C2: variants seen among roughly 807,000 people sequenced by gnomAD.
C2 encodes C3/C5 convertase.
A neutral mutation model predicts 85.2 loss-of-function variants in C2; 64 were observed. The ratio of observed to expected loss-of-function variants is 0.75; its 90% CI spans 0.61 to 0.92. C2 has a LOEUF of 0.92. Ranked by LOEUF, C2 falls within the 40% of genes least tolerant of loss-of-function variation. The pLI is 0.00. For synonymous variants in C2, 311 were observed against 370.8 expected (o/e 0.84, Z 1.85); for missense variants, 820 against 971.6 (o/e 0.84, Z 2.07).
intron 9 of C2, chr6:31,941,157 A>G (rs1770849725): frequency 6.6e-6 from 1 of 152,184 alleles, no homozygotes; most frequent in Non-Finnish European, 1.5e-5. Context: ...AGTTCTTTCT[A>G]TTCATTCAGT....
At chr6:31,907,140 TA>T (rs3037250) in intron 1 of C2, among the ~76,000 whole-genome samples, 296 of 139,316 alleles carry the variant, frequency 2.1e-3, no homozygotes, top group East Asian at 4.0e-3. Flanking sequence ...AACTCTGTCT[TA>T]AAAAAAAAAA....
At chr6:31,903,756 G>A (rs1767539478) in intron 1 of C2, among the ~76,000 whole-genome samples, 1 of 152,156 alleles carries the variant, frequency 6.6e-6, no homozygotes, top group Non-Finnish European at 1.5e-5. Context: ...CTCAAGGGAT[G>A]CTGTTTGGCA....
At chr6:31,899,983 G>A, upstream of C2, 1 of 1,605,762 alleles carries the variant, frequency 6.2e-7, no homozygotes, top group Non-Finnish European at 8.5e-7. Flanking sequence ...TCTCGGCCGT[G>A]GTCTTGCCGT....
chr6:31,901,329 G>A (rs755008659), intron 1 of C2: 2 of 1,591,102 alleles, frequency 1.3e-6, no homozygotes, highest in South Asian at 1.1e-5. Flanking sequence ...GGCAACCCTG[G>A]TTGGGAAGGA....
At chr6:31,900,468 ACAG>A (rs1767130564), upstream of C2, 1 of 1,597,460 alleles carries the variant, frequency 6.3e-7, no homozygotes, top group African/African-American at 1.3e-5. The surrounding 1 kb of genome is among the most constrained non-coding windows in gnomAD (Gnocchi z 9.7). Flanking sequence ...CCGGGAATCA[ACAG>A]CAGGCCCTCC....
chr6:31,935,873 C>A lies in C2; in HGVS notation c.850-50C>A. On this transcript the variant is annotated intron_variant, in intron 6 of 17. Coordinates refer to ENST00000299367, the MANE Select transcript of C2 (RefSeq NM_000063.6). This position sits in a 1 kb window ranked among gnomAD's most constrained non-coding sequence, Gnocchi z 4.3. ...CCCTTTGTTTGCTCTCTTACCATCT[C>A]CCCTTTGGCTTCAGGGCCCTTTACG... The A allele has an allele frequency of 6.2e-7, 1 of 1,606,840 alleles. No individual in the cohort carries two copies.
chr6:31,899,950 G>C (rs1261949759), upstream of C2: 3 of 1,591,062 alleles, frequency 1.9e-6, no homozygotes, highest in South Asian at 2.2e-5. Flanking sequence ...CGTTAATCTC[G>C]GCCACACTGG....
intron 1 of C2, among the ~76,000 whole-genome samples, chr6:31,914,459 T>C (rs1469911412): frequency 4.0e-5 from 6 of 150,510 alleles, no homozygotes; most frequent in Admixed American, 4.0e-4. Context: ...GGCGTAGTGG[T>C]GTATGCCTGT....
chr6:31,932,117 G>C, intron 3 of C2, among the ~76,000 whole-genome samples: 1 of 131,880 alleles, frequency 7.6e-6, no homozygotes, highest in South Asian at 2.5e-4. Flanking sequence ...CGGGCGAGGG[G>C]CTGACCCCCC....
chr6:31,923,822 T>TG (rs575034917), upstream of C2, among the ~76,000 whole-genome samples: 1 of 137,850 alleles, frequency 7.3e-6, no homozygotes, highest in Non-Finnish European at 1.5e-5. Context: ...TTTTTTGAGA[T>TG]GGAGTCTCGC....
chr6:31,917,830 C>T (rs71563389), upstream of C2, among the ~76,000 whole-genome samples: 11,275 of 151,696 alleles, frequency 0.074, 630 homozygotes, highest in African/African-American at 0.15. Flanking sequence ...TGCTTGAACC[C>T]GGGAGGCGGA....
chr6:31,901,500 G>T (rs1228587216), intron 1 of C2, among the ~76,000 whole-genome samples: 8 of 152,020 alleles, frequency 5.3e-5, no homozygotes, highest in African/African-American at 1.9e-4. Flanking sequence ...GAGGAGGGAG[G>T]CGTGGTTCTC....
chr6:31,929,136 C>T (rs896407254), intron 3 of C2, among the ~76,000 whole-genome samples: 4 of 152,204 alleles, frequency 2.6e-5, no homozygotes, highest in African/African-American at 9.6e-5. Flanking sequence ...TCAGATGTAG[C>T]ATAAAGCCTC....
At chr6:31,914,774 G>A (rs1460291549) in intron 1 of C2, among the ~76,000 whole-genome samples, 1 of 151,716 alleles carries the variant, frequency 6.6e-6, no homozygotes, top group Non-Finnish European at 1.5e-5. Context: ...TTAGCCAGGC[G>A]TGGTGGCAGG....
Position 31,945,500 on chromosome 6 carries a change from C to A in C2, c.*143C>A. ...GGTCTCTAGGATGCCAGAGGCAGCGCACACAAGCTGGGAAATCCTCAGGGC... is the reference window on the plus strand; with the variant it reads ...GGTCTCTAGGATGCCAGAGGCAGCGAACACAAGCTGGGAAATCCTCAGGGC... On this transcript the variant is annotated 3_prime_UTR_variant, in exon 18 of 18. Transcript: ENST00000299367. This position sits in a 1 kb window ranked among gnomAD's most constrained non-coding sequence, Gnocchi z 5.3. 1.2e-6 allele frequency: 1 copy of A among 814,288 alleles called. No homozygotes were observed. The allele number at this position is 814,288 out of a possible 1,614,324, so 50.4% of individuals were successfully genotyped here.
In C2 at chr6:31,913,928, G is replaced by A. The variant is rs575910547; in HGVS notation, c.73+12789G>A. On this transcript the variant is annotated intron_variant, in intron 1 of 3. Transcript: ENST00000452202. ...GCTGGGATTACAGGCATGAGCCACC[G>A]TGCCTGGCCCTTTTTTTTTTAAGAC... Among the ~76,000 whole-genome samples the A allele has an allele frequency of 1.7e-4, 24 of 138,314 alleles. No homozygotes were observed. In the South Asian group the frequency reaches 3.6e-3, roughly 21 times the overall value. 90.7% of individuals were successfully genotyped at this position (138,314 alleles called of 152,430 possible).
chr6:31,911,133 T>C (rs970614281), intron 1 of C2, among the ~76,000 whole-genome samples: 3 of 151,990 alleles, frequency 2.0e-5, no homozygotes, highest in African/African-American at 4.8e-5. Flanking sequence ...ACCCCGTCTC[T>C]ACTAAAAATA....
chr6:31,903,322 G>T (rs1176930569), intron 1 of C2, among the ~76,000 whole-genome samples: 1 of 152,196 alleles, frequency 6.6e-6, no homozygotes, highest in Non-Finnish European at 1.5e-5. Context: ...TGTGGGTTTT[G>T]TTTTGCAAAT....
In C2 at chr6:31,934,229, A is replaced by G. The variant is rs1364032132; in HGVS notation, c.779A>G (p.Asp260Gly). Residue 260 changes from aspartate (D) to glycine (G), a missense_variant, in exon 6 of 18, where the codon GAC becomes GGC. Asp to Gly is a moderately conservative substitution (Grantham distance 94). Coordinates refer to ENST00000299367, the MANE Select transcript of C2 (RefSeq NM_000063.6). ...SGHLNLYLLL[D>G]CSQSVSENDF... ...CATCTGAACCTCTACCTGCTCCTGG[A>G]CTGTTCGCAGAGTGTGTCGGAAAAT... 1 of 1,614,160 alleles carries G rather than the reference A, an allele frequency of 6.2e-7. No individual in the cohort carries two copies. The highest frequency in any genetic ancestry group is 8.5e-7 in the Non-Finnish European group (1 of 1,180,026).
Sources: allele counts gnomAD v4.1 joint callset (sites outside exome capture counted in the v4.1 genomes callset), GRCh38; gene constraint gnomAD v4.1.1; non-coding constraint Gnocchi (gnomAD v3.1); transcripts MANE v1.5; gene names NCBI Gene and HGNC (gene_info 2026-07-23, HGNC 2026-07-21).